SLC12A3: variants seen among roughly 807,000 people sequenced by gnomAD.
SLC12A3 encodes Na-Cl cotransporter.
Under a neutral mutation model 121.0 loss-of-function variants are expected in SLC12A3, and 104 were observed. That is an observed-to-expected ratio of 0.86 (90% CI 0.73 to 1.01). The LOEUF is 1.01. Ranked by LOEUF, SLC12A3 falls within the 50% of genes least tolerant of loss-of-function variation. The probability of loss-of-function intolerance (pLI) is 0.00; values close to 1 mark genes in which losing one functional copy is unlikely to be tolerated. For missense variants in SLC12A3, 1,328 were observed against 1,356.3 expected (o/e 0.98, Z 0.33); for synonymous variants, 536 against 533.4 (o/e 1.00, Z -0.07).
At chr16:56,886,807 T>G (rs1035546726) in intron 16 of SLC12A3, 146 bp from the exon 17 acceptor site, 1 of 1,068,556 alleles carries the variant, frequency 9.4e-7, no homozygotes, top group Non-Finnish European at 1.4e-6. Flanking sequence ...CCCCCACTCC[T>G]TGTGTTTTCC....
chr16:56,872,628 C>A (rs1056986557), intron 7 of SLC12A3, 28 bp from the exon 8 acceptor site: 41 of 1,614,048 alleles, frequency 2.5e-5, no homozygotes, highest in Non-Finnish European at 3.1e-5. Flanking sequence ...TCCAGGTGAG[C>A]CTTACTCATC....
chr16:56,884,453 C>T (rs566155309), intron 14 of SLC12A3, among the ~76,000 whole-genome samples: 1 of 152,218 alleles, frequency 6.6e-6, no homozygotes, highest in African/African-American at 2.4e-5. Flanking sequence ...TCCGAAGGAC[C>T]CTGAGTGAGC....
chr16:56,901,371 A>C (rs1227377993), intron 23 of SLC12A3, among the ~76,000 whole-genome samples: 6 of 97,310 alleles, frequency 6.2e-5, no homozygotes, highest in African/African-American at 2.6e-4. Flanking sequence ...AGACAGTCTC[A>C]CTCCATCACC....
chr16:56,899,446 A>C, intron 22 of SLC12A3, 84 bp from the exon 23 acceptor site: 1 of 1,017,448 alleles, frequency 9.8e-7, no homozygotes, highest in Non-Finnish European at 1.6e-6. Context: ...TCGAGATTGC[A>C]CCACTGCACT....
In SLC12A3 at chr16:56,893,971, T is replaced by TTTATTTA. The variant is rs1435631224; in HGVS notation, c.2522-558_2522-557insATTTATT. 3.3e-4 allele frequency among the ~76,000 whole-genome samples: 39 copies of TTTATTTA among 116,918 alleles called. 2 individuals are homozygous for TTTATTTA. The Admixed American group carries it at 3.3e-3, about 10-fold the overall frequency. 76.7% of individuals were successfully genotyped at this position (116,918 alleles called of 152,430 possible). ...TTTTGTATTTTTATTTTTATTTTTA[T>TTTATTTA]TTTATTTATTTATTTATTTATTTAT... On this transcript the variant is annotated intron_variant, in intron 21 of 25. Transcript: ENST00000563236.
intron 11 of SLC12A3, 92 bp downstream of exon 11, chr16:56,879,741 A>G (rs1596908771): frequency 2.2e-6 from 2 of 904,278 alleles, no homozygotes; most frequent in African/African-American, 1.6e-5. Context: ...TGCTACAAAC[A>G]CCTGAAGGTG....
rs144481299 is a variant in SLC12A3 at position 56,901,903 on chromosome 16, G to A, written c.2721-470G>A. 4.8e-4 allele frequency among the ~76,000 whole-genome samples: 73 copies of A among 152,286 alleles called. 1 individual carries two copies. In the East Asian group the frequency reaches 5.2e-3, roughly 11 times the overall value. ...TGTTCGCTTCTGCACCCCCTGTCCC[G>A]TGCATGGCTGGTTTTGCAAGGACAG... On this transcript the variant is annotated intron_variant, in intron 23 of 25. Transcript: ENST00000563236.
rs12445698 is a variant in SLC12A3 at position 56,894,304 on chromosome 16, C to T, written c.2522-227C>T. On this transcript the variant is annotated intron_variant, in intron 21 of 25. Coordinates refer to ENST00000563236, the MANE Select transcript of SLC12A3 (RefSeq NM_001126108.2). ...ATAGGCATGAGCCATGGCGCCCGGC[C>T]GCCAGCTTGTTTATTTAAATATGCT... 0.22 allele frequency among the ~76,000 whole-genome samples: 33,542 copies of T among 152,064 alleles called. 3,945 individuals are homozygous for T. The highest frequency in any genetic ancestry group is 0.31 in the African/African-American group (12,859 of 41,444).
intron 6 of SLC12A3, among the ~76,000 whole-genome samples, chr16:56,871,623 G>GT (rs2055098771): frequency 6.6e-6 from 1 of 152,146 alleles, no homozygotes; most frequent in Non-Finnish European, 1.5e-5. Flanking sequence ...CCCACTTAAG[G>GT]TGTCTGCTAA....
intron 25 of SLC12A3, among the ~76,000 whole-genome samples, chr16:56,912,106 G>C (rs987677158): frequency 6.6e-6 from 1 of 152,238 alleles, no homozygotes. Flanking sequence ...GAAGGAGCGC[G>C]GTGCTGCGGG....
intron 8 of SLC12A3, among the ~76,000 whole-genome samples, chr16:56,873,157 G>C (rs549437436): frequency 1.3e-5 from 2 of 152,078 alleles, no homozygotes; most frequent in African/African-American, 4.8e-5. Context: ...CTGCAGGCAG[G>C]CTTCTTGGCT....
At chr16:56,875,849 C>T (rs2055157995) in intron 8 of SLC12A3, among the ~76,000 whole-genome samples, 1 of 150,968 alleles carries the variant, frequency 6.6e-6, no homozygotes, top group South Asian at 2.1e-4. Context: ...CTCAGCCCAC[C>T]TCTACCCAGC....
intron 3 of SLC12A3, 93 bp downstream of exon 3, chr16:56,868,465 T>G (rs969574294): frequency 6.9e-6 from 9 of 1,304,820 alleles, no homozygotes; most frequent in Admixed American, 5.9e-5. Context: ...ACCCCAAGGT[T>G]GCAGGATTAA....
intron 21 of SLC12A3, 42 bp downstream of exon 21, chr16:56,893,096 C>A: frequency 2.0e-6 from 3 of 1,521,066 alleles, no homozygotes; most frequent in African/African-American, 1.4e-5. Flanking sequence ...CCGGCGGGGG[C>A]GGGGTGGTGG....
chr16:56,904,604 C>G (rs1205568713), intron 25 of SLC12A3, 142 bp downstream of exon 25: 2 of 796,832 alleles, frequency 2.5e-6, no homozygotes, highest in Non-Finnish European at 4.3e-6. Flanking sequence ...ATAAACATAG[C>G]CCTGGCGATT....
intron 22 of SLC12A3, among the ~76,000 whole-genome samples, chr16:56,897,943 C>G (rs1213962468): frequency 6.6e-6 from 1 of 152,264 alleles, no homozygotes; most frequent in Non-Finnish European, 1.5e-5. Flanking sequence ...GATCAGGGAC[C>G]AGCAACGGCT....
chr16:56,887,936 C>T lies in SLC12A3; in HGVS notation c.2190C>T (p.Leu730=), dbSNP rs150692587. ...CTATCCCCTGGCAGGCCGCAGGTCTCGGGAGAATGAAGCCCAACATTCTGG... is the reference window on the plus strand; with the variant it reads ...CTATCCCCTGGCAGGCCGCAGGTCTTGGGAGAATGAAGCCCAACATTCTGG... ...GVQILMQAAG[L]GRMKPNILVV... Residue 730 remains leucine (L), a synonymous_variant, in exon 18 of 26, where the codon CTC becomes CTT. Transcript: ENST00000563236. 3.5e-4 allele frequency: 563 copies of T among 1,611,766 alleles called. 2 individuals are homozygous for T. The African/African-American group carries it at 4.8e-3, about 14-fold the overall frequency.
At chr16:56,894,959 TAAGA>T (rs2055442119) in intron 22 of SLC12A3, among the ~76,000 whole-genome samples, 1 of 129,400 alleles carries the variant, frequency 7.7e-6, no homozygotes, top group African/African-American at 2.9e-5. Context: ...AGCATAAAAA[TAAGA>T]AAGAAAAGGA....
chr16:56,893,950 GTATTTTTATTTT>G (rs201508930), intron 21 of SLC12A3, among the ~76,000 whole-genome samples: 3 of 142,546 alleles, frequency 2.1e-5, no homozygotes, highest in South Asian at 2.3e-4. Flanking sequence ...GCTAATTTTT[GTATTTTTATTTT>G]TATTTTTATT....
Sources: allele counts gnomAD v4.1 joint callset (sites outside exome capture counted in the v4.1 genomes callset), GRCh38; gene constraint gnomAD v4.1.1; transcripts MANE v1.5; gene names NCBI Gene and HGNC (gene_info 2026-07-23, HGNC 2026-07-21).